Variants in PCLO observed in about 807,000 individuals in gnomAD.
PCLO encodes protein piccolo.
PCLO carries 82 observed loss-of-function variants against 427.5 expected under a neutral mutation model. That is an observed-to-expected ratio of 0.19 (90% confidence interval 0.16 to 0.23). The LOEUF (loss-of-function observed/expected upper bound fraction) is 0.23, where lower values mean the gene tolerates loss of function less well. Ranked by LOEUF, PCLO falls within the 10% of genes least tolerant of loss-of-function variation. The pLI is 1.00. For synonymous variants in PCLO, 2,357 were observed against 2,155.4 expected (o/e 1.09, Z -2.59); for missense variants, 6,239 against 6,115.9 (o/e 1.02, Z -0.67).
chr7:82,861,037 A>G (rs1463822048), intron 10 of PCLO, among the ~76,000 whole-genome samples: 1 of 152,094 alleles, frequency 6.6e-6, no homozygotes, highest in East Asian at 1.9e-4. Flanking sequence ...GGAAAACAGG[A>G]AGGAAAGAAA....
intron 3 of PCLO, among the ~76,000 whole-genome samples, chr7:83,078,610 C>A (rs1790016052): frequency 6.6e-6 from 1 of 151,884 alleles, no homozygotes; most frequent in African/African-American, 2.4e-5. Context: ...CAGCTCACTG[C>A]AACCTCCACC....
intron 20 of PCLO, among the ~76,000 whole-genome samples, chr7:82,807,672 C>A (rs748777157): frequency 1.3e-5 from 2 of 151,842 alleles, no homozygotes; most frequent in Non-Finnish European, 2.9e-5. Context: ...TATATATATT[C>A]CAGTGGTAGT....
chr7:83,030,283 T>G (rs1490774333), intron 3 of PCLO, among the ~76,000 whole-genome samples: 1 of 152,126 alleles, frequency 6.6e-6, no homozygotes, highest in African/African-American at 2.4e-5. Flanking sequence ...ATAATTAATC[T>G]TGTCTCAATA....
At chr7:82,931,701 C>T (rs568518941) in intron 6 of PCLO, among the ~76,000 whole-genome samples, 8 of 151,960 alleles carry the variant, frequency 5.3e-5, no homozygotes, top group African/African-American at 1.2e-4. Flanking sequence ...AGCATGCAAG[C>T]AAGATGGCAA....
chr7:83,095,499 G>A (rs1023328888), intron 3 of PCLO, among the ~76,000 whole-genome samples: 2 of 149,840 alleles, frequency 1.3e-5, no homozygotes, highest in Non-Finnish European at 3.0e-5. Flanking sequence ...TTTTTTTTAG[G>A]TTCTTAAGGT....
intron 3 of PCLO, among the ~76,000 whole-genome samples, chr7:83,092,116 G>T (rs1294938106): frequency 6.6e-6 from 1 of 152,158 alleles, no homozygotes; most frequent in African/African-American, 2.4e-5. Flanking sequence ...CTCCAATGGA[G>T]CATGAGGAAC....
At chr7:82,977,639 C>T (rs756717118) in intron 3 of PCLO, among the ~76,000 whole-genome samples, 1 of 152,000 alleles carries the variant, frequency 6.6e-6, no homozygotes, top group Non-Finnish European at 1.5e-5. Flanking sequence ...GTCTCAAGTT[C>T]CTGACCTCAG....
At chr7:82,926,832 T>G in intron 6 of PCLO, among the ~76,000 whole-genome samples, 1 of 152,146 alleles carries the variant, frequency 6.6e-6, no homozygotes, top group East Asian at 1.9e-4. Context: ...CTTTCAAAAG[T>G]TTTTTTAAGG....
chr7:82,998,666 G>A (rs2115893078), intron 3 of PCLO, among the ~76,000 whole-genome samples: 1 of 151,920 alleles, frequency 6.6e-6, no homozygotes. Flanking sequence ...CTAATCAGAG[G>A]ATTAGAGAAT....
At chr7:83,005,112 T>G (rs1007008196) in intron 3 of PCLO, among the ~76,000 whole-genome samples, 2 of 151,626 alleles carry the variant, frequency 1.3e-5, no homozygotes, top group Admixed American at 6.6e-5. Context: ...CTCAAAAAAT[T>G]TAGAAAAGAA....
rs202192743 is a variant in PCLO, at chr7:82,956,381, A to C, written c.4572T>G (p.Val1524=). ...CACTAGTTCTTCGTTTTCTTTGTGG[A>C]ACAGGTGAGTTTTCACTTTCACTAC... ...EESSESENSP[V]PQRKRRTSVG... is the part of the protein sequence containing the mutation. Residue 1524 remains valine, a synonymous_variant, in exon 5 of 25, where the codon GTT becomes GTG. Transcript: ENST00000333891. 1.9e-6 allele frequency: 3 copies of C among 1,613,510 alleles called. No individual in the cohort carries two copies. The highest frequency in any genetic ancestry group is 2.5e-6 in the Non-Finnish European group (3 of 1,179,864).
intron 10 of PCLO, among the ~76,000 whole-genome samples, chr7:82,875,951 G>C (rs1244379334): frequency 6.6e-6 from 1 of 152,016 alleles, no homozygotes; most frequent in Non-Finnish European, 1.5e-5. Context: ...TACACTCTAA[G>C]AATTCTATTG....
intron 3 of PCLO, among the ~76,000 whole-genome samples, chr7:83,108,873 T>A (rs1190117276): frequency 2.0e-5 from 3 of 152,172 alleles, no homozygotes; most frequent in African/African-American, 7.2e-5. Context: ...CAAAATGTAC[T>A]GGAGTTAGAA....
At chr7:83,084,211 T>C (rs1373049736) in intron 3 of PCLO, among the ~76,000 whole-genome samples, 1 of 152,110 alleles carries the variant, frequency 6.6e-6, no homozygotes, top group African/African-American at 2.4e-5. Context: ...CTCTGCTTCA[T>C]ATATATTTAT....
intron 4 of PCLO, among the ~76,000 whole-genome samples, chr7:82,957,432 A>C (rs1795552431): frequency 6.6e-6 from 1 of 152,220 alleles, no homozygotes; most frequent in African/African-American, 2.4e-5. Flanking sequence ...AAAAGCAAAT[A>C]ACATGTCATA....
At chr7:82,865,431 T>C (rs929738464) in intron 10 of PCLO, among the ~76,000 whole-genome samples, 3 of 152,084 alleles carry the variant, frequency 2.0e-5, no homozygotes, top group Admixed American at 2.0e-4. Flanking sequence ...GACAGTGCAG[T>C]GAGCTGAGAT....
At chr7:82,833,699 G>A (rs942659120) in intron 16 of PCLO, among the ~76,000 whole-genome samples, 2 of 149,106 alleles carry the variant, frequency 1.3e-5, no homozygotes, top group African/African-American at 2.4e-5. Context: ...GTACCTTTCT[G>A]TTGCAGAGAT....
At chr7:82,852,496 C>G (rs78013707) in intron 10 of PCLO, among the ~76,000 whole-genome samples, 2,306 of 152,170 alleles carry the variant, frequency 0.015, 64 homozygotes, top group African/African-American at 0.053. Flanking sequence ...TGCCCTAGAA[C>G]ATCAGACTCC....
chr7:83,134,020 T>A (rs1206214362), intron 3 of PCLO, among the ~76,000 whole-genome samples: 2 of 151,660 alleles, frequency 1.3e-5, no homozygotes, highest in African/African-American at 2.4e-5. Context: ...ATTTAACTTA[T>A]TTCATCTTCT....
Sources: gnomAD v4.1 joint callset for allele counts (sites outside exome capture counted in the v4.1 genomes callset) on GRCh38, gnomAD v4.1.1 for gene constraint, MANE v1.5 for transcripts, NCBI Gene and HGNC (gene_info 2026-07-23, HGNC 2026-07-21) for gene names.